The following HSD17B12 variants were observed in gnomAD, a reference collection of about 807,000 sequenced individuals.
The protein encoded by HSD17B12 is hydroxysteroid 17-beta dehydrogenase 12, also known as very-long-chain 3-oxoacyl-CoA reductase.
HSD17B12 carries 32 observed loss-of-function variants against 39.3 expected under a neutral mutation model. The observed-to-expected ratio is 0.81, with a 90% CI of 0.61 to 1.09. HSD17B12 has a LOEUF of 1.09. Among genes scored for constraint, HSD17B12 ranks in the 50% least tolerant of loss-of-function variants. The pLI, the probability that HSD17B12 is intolerant of heterozygous loss-of-function variation, is 0.00. For synonymous variants in HSD17B12, 150 were observed against 146.7 expected (o/e 1.02, Z -0.16); for missense variants, 342 against 382.9 (o/e 0.89, Z 0.89).
the HSD17B12 span, among the ~76,000 whole-genome samples, chr11:43,618,947 C>T: frequency 4.6e-5 from 7 of 151,500 alleles, no homozygotes; most frequent in Non-Finnish European, 7.4e-5. Flanking sequence ...CTCAGACATG[C>T]ACTCAAGGCA....
chr11:43,722,397 T>G (rs1442598308), intron 1 of HSD17B12, among the ~76,000 whole-genome samples: 1 of 152,194 alleles, frequency 6.6e-6, no homozygotes. Context: ...TATTTATATT[T>G]TAATGTGTAG....
chr11:43,725,548 C>T (rs1330956469), intron 1 of HSD17B12, among the ~76,000 whole-genome samples: 1 of 152,124 alleles, frequency 6.6e-6, no homozygotes, highest in African/African-American at 2.4e-5. Flanking sequence ...ACAAGTCTGA[C>T]ATAGGCCAGA....
chr11:43,655,239 T>G, the HSD17B12 span, among the ~76,000 whole-genome samples: 5 of 152,226 alleles, frequency 3.3e-5, no homozygotes, highest in Admixed American at 2.6e-4. Context: ...TGCTTGTGAT[T>G]TTTGCACATT....
intron 3 of HSD17B12, among the ~76,000 whole-genome samples, chr11:43,776,475 G>T (rs1950705314): frequency 6.6e-6 from 1 of 151,974 alleles, no homozygotes; most frequent in African/African-American, 2.4e-5. Context: ...TTGTAAATTT[G>T]TTTGAGTTCA....
chr11:43,829,816 A>C (rs954294300), intron 6 of HSD17B12: 2 of 151,856 alleles, frequency 1.3e-5, no homozygotes, highest in South Asian at 2.1e-4. Flanking sequence ...TGCTGGGGGA[A>C]CTCTTTATAA....
chr11:43,672,087 C>G, the HSD17B12 span, among the ~76,000 whole-genome samples: 1 of 152,046 alleles, frequency 6.6e-6, no homozygotes, highest in Non-Finnish European at 1.5e-5. Flanking sequence ...CTCGCTCTGT[C>G]GCCCAGGCTG....
intron 3 of HSD17B12, among the ~76,000 whole-genome samples, chr11:43,791,205 G>A (rs1046728318): frequency 6.6e-6 from 1 of 152,134 alleles, no homozygotes; most frequent in Non-Finnish European, 1.5e-5. Flanking sequence ...GCTAGCAGTA[G>A]CATCTTGGAA....
At chr11:43,662,789 G>A in the HSD17B12 span, among the ~76,000 whole-genome samples, 2 of 152,104 alleles carry the variant, frequency 1.3e-5, no homozygotes, top group East Asian at 3.9e-4. Flanking sequence ...TTAGACTATT[G>A]ACTATTCCTA....
intron 9 of HSD17B12, among the ~76,000 whole-genome samples, chr11:43,845,485 A>G (rs1951466604): frequency 6.6e-6 from 1 of 152,040 alleles, no homozygotes; most frequent in African/African-American, 2.4e-5. Context: ...ATTTCCTTTA[A>G]CCTGGGATAT....
chr11:43,633,289 T>G, the HSD17B12 span, among the ~76,000 whole-genome samples: 2 of 152,170 alleles, frequency 1.3e-5, no homozygotes, highest in Non-Finnish European at 2.9e-5. Flanking sequence ...CCCAGCACTT[T>G]GGGAGGCCAA....
the HSD17B12 span, among the ~76,000 whole-genome samples, chr11:43,581,698 G>C: frequency 1.3e-5 from 2 of 152,138 alleles, no homozygotes; most frequent in Admixed American, 1.3e-4. This position sits in a 1 kb window ranked among gnomAD's most constrained non-coding sequence, Gnocchi z 4.9. Context: ...TGTATCACAG[G>C]GGGAACTGGA....
At chr11:43,735,219 G>C (rs1950305966) in intron 1 of HSD17B12, among the ~76,000 whole-genome samples, 1 of 152,188 alleles carries the variant, frequency 6.6e-6, no homozygotes, top group Non-Finnish European at 1.5e-5. Context: ...TGGCAGTGGT[G>C]CTGTTAGGAA....
intron 1 of HSD17B12, among the ~76,000 whole-genome samples, chr11:43,716,730 A>T (rs995662548): frequency 7.0e-6 from 1 of 143,678 alleles, no homozygotes; most frequent in Admixed American, 7.1e-5. Context: ...ATTATATATT[A>T]TATATATTAT....
chr11:43,840,877 T>C (rs1373639484), intron 9 of HSD17B12, among the ~76,000 whole-genome samples: 1 of 152,208 alleles, frequency 6.6e-6, no homozygotes, highest in African/African-American at 2.4e-5. Flanking sequence ...TCAATTCTTT[T>C]GTATATGTAT....
At position 43,815,498 on chromosome 11, in the gene HSD17B12, C is replaced by T; in HGVS notation, c.453C>T (p.Asp151=). ...PEYFLDVPDL[D]NVIKKMININ... ...ACTTTTTGGATGTTCCTGACTTGGA[C>T]AATGTAAGTCTTTCTTTGTGTATTA... is the stretch of plus-strand genomic sequence containing the variant. Residue 151 remains aspartate, a synonymous_variant, in exon 5 of 11, where the codon GAC becomes GAT. Coordinates refer to ENST00000278353, the MANE Select transcript of HSD17B12 (RefSeq NM_016142.3). The T allele has an allele frequency of 6.4e-7, 1 of 1,553,236 alleles. No homozygotes were observed. Among genetic ancestry groups the T allele is most frequent in the South Asian group, 1.2e-5 (1 of 82,606 alleles).
chr11:43,568,468 C>T, the HSD17B12 span, among the ~76,000 whole-genome samples: 6 of 152,130 alleles, frequency 3.9e-5, no homozygotes, highest in African/African-American at 1.2e-4. Flanking sequence ...AAGGCTTTGT[C>T]CAATCTGCAC....
intron 3 of HSD17B12, among the ~76,000 whole-genome samples, chr11:43,765,584 A>G (rs910834684): frequency 1.8e-4 from 27 of 149,110 alleles, no homozygotes; most frequent in Non-Finnish European, 3.4e-4. Context: ...TTCATCTCAC[A>G]CTCTTTTTCT....
At chr11:43,671,251 G>A in the HSD17B12 span, among the ~76,000 whole-genome samples, 1 of 152,110 alleles carries the variant, frequency 6.6e-6, no homozygotes, top group Non-Finnish European at 1.5e-5. Context: ...GGGTTCAAGC[G>A]ATTCTCCAGC....
chr11:43,830,792 TG>T, intron 6 of HSD17B12, 183 bp from the exon 7 acceptor site: 1 of 421,132 alleles, frequency 2.4e-6, no homozygotes, highest in South Asian at 5.2e-5. Flanking sequence ...TAATTTCAGC[TG>T]GTTCCTTTTT....
Sources: allele counts gnomAD v4.1 joint callset (sites outside exome capture counted in the v4.1 genomes callset), GRCh38; gene constraint gnomAD v4.1.1; non-coding constraint Gnocchi (gnomAD v3.1); transcripts MANE v1.5; gene names NCBI Gene and HGNC (gene_info 2026-07-23, HGNC 2026-07-21).